USP31: variants seen among roughly 807,000 people sequenced by gnomAD.
USP31 encodes ubiquitin carboxyl-terminal hydrolase 31.
A neutral mutation model predicts 119.4 loss-of-function variants in USP31; 44 were observed. The ratio of observed to expected loss-of-function variants is 0.37; its 90% CI spans 0.29 to 0.47. USP31 has a LOEUF of 0.47. USP31 is among the 20% of genes least tolerant of loss of function. The pLI is 0.99. For synonymous variants in USP31, 749 were observed against 705.6 expected (o/e 1.06, Z -0.97); for missense variants, 1,643 against 1,730.2 (o/e 0.95, Z 0.89).
intron 11 of USP31, among the ~76,000 whole-genome samples, chr16:23,082,848 T>TTTTTTTTG (rs1641213592): frequency 6.7e-6 from 1 of 150,072 alleles, no homozygotes; most frequent in Non-Finnish European, 1.5e-5. Flanking sequence ...TTTTTTTTTT[T>TTTTTTTTG]GAAACAGAGT....
intron 1 of USP31, among the ~76,000 whole-genome samples, chr16:23,145,334 G>A (rs1903473609): frequency 6.6e-6 from 1 of 152,146 alleles, no homozygotes; most frequent in African/African-American, 2.4e-5. Context: ...AGATCCCCAG[G>A]TGAATTATGT....
At chr16:23,148,553 G>C in intron 1 of USP31, 85 bp downstream of exon 1, 1 of 1,380,484 alleles carries the variant, frequency 7.2e-7, no homozygotes, top group Non-Finnish European at 9.3e-7. Context: ...GCCGGGCCAA[G>C]AGGAACCGAG....
chr16:23,069,955 CT>C (rs771233797), intron 15 of USP31, among the ~76,000 whole-genome samples: 8 of 152,252 alleles, frequency 5.3e-5, no homozygotes, highest in Non-Finnish European at 1.0e-4. Flanking sequence ...AACTCTGTCA[CT>C]GCTGCATGAA....
chr16:23,094,471 T>A, intron 6 of USP31, among the ~76,000 whole-genome samples: 1 of 152,334 alleles, frequency 6.6e-6, no homozygotes, highest in East Asian at 1.9e-4. Context: ...AAGGTCCTTG[T>A]CTGACAGCTT....
intron 1 of USP31, among the ~76,000 whole-genome samples, chr16:23,125,570 T>C (rs1391680793): frequency 6.6e-6 from 1 of 152,250 alleles, no homozygotes; most frequent in Non-Finnish European, 1.5e-5. Context: ...CTGTCACTAT[T>C]AAAATTGTGA....
intron 1 of USP31, among the ~76,000 whole-genome samples, chr16:23,143,607 AAG>A (rs1903419302): frequency 6.6e-6 from 1 of 151,258 alleles, no homozygotes; most frequent in Non-Finnish European, 1.5e-5. Flanking sequence ...GAGAGAGAGA[AAG>A]AGAGAGCGCG....
chr16:23,146,619 C>G (rs1053882004), intron 1 of USP31, among the ~76,000 whole-genome samples: 11 of 152,022 alleles, frequency 7.2e-5, no homozygotes, highest in African/African-American at 2.7e-4. Context: ...ATTCAAATTG[C>G]CAAGATCAAA....
chr16:23,118,236 T>C lies in USP31; in HGVS notation c.634-10053A>G, dbSNP rs554702703. Among the ~76,000 whole-genome samples, 4 of 152,222 alleles carry C rather than the reference T, an allele frequency of 2.6e-5. No individual in the cohort carries two copies. The East Asian group carries it at 7.7e-4, about 29-fold the overall frequency. On this transcript the variant is annotated intron_variant, in intron 1 of 15. Transcript: ENST00000219689. ...AAGCATTTTGTAAAGTCTAAAACTC[T>C]GTACAGATGCTATTATGTTAGTTTT...
chr16:23,069,141 C>A lies in USP31; in HGVS notation c.2964G>T (p.Gln988His). The change falls in exon 16 of 16, where the codon CAG becomes CAT. Residue 988 changes from glutamine to histidine, a missense_variant. Physicochemically the swap from Gln to His is conservative, Grantham distance 24. Transcript: ENST00000219689. ...AGTCGCTCTGATCCACATAAGCGAT[C>A]TGATTATTGTTATCAAATGGACCAG... Reference protein sequence around the residue: ...PLSGPFDNNNQIAYVDQSDSV... With the variant: ...PLSGPFDNNNHIAYVDQSDSV... The A allele has an allele frequency of 1.2e-6, 2 of 1,613,934 alleles. No individual in the cohort carries two copies. The highest frequency in any genetic ancestry group is 2.7e-5 in the African/African-American group (2 of 75,054).
chr16:23,068,192 G>A lies in USP31; in HGVS notation c.3913C>T (p.Leu1305=). 1.2e-6 allele frequency: 2 copies of A among 1,614,198 alleles called. No individual in the cohort carries two copies. Among genetic ancestry groups the A allele is most frequent in the South Asian group, 2.2e-5 (2 of 91,084 alleles). ...GACTTGGATTTGCGAGCGGACAGCA[G>A]GGAATGTTTGGCAGAAGCAGGGTCC... The part of the protein sequence containing the change: ...TKDPASAKHS[L]LSARKSKSSQ... Residue 1305 remains leucine (L), a synonymous_variant, in exon 16 of 16, where the codon CTG becomes TTG. Transcript: ENST00000219689.
rs537600700 is a variant in USP31 at position 23,080,159 on chromosome 16, G to A, written c.1963C>T (p.Arg655Cys). ...TTGACCATGTTCTGAAGTTTCATGC[G>A]CCTGTCTCCTTCCTGTTGCAAGAAG... ...LKRFRQEGDR[R>C]MKLQNMVKFP... The change falls in exon 13 of 16, where the codon CGC becomes TGC. Residue 655 changes from arginine (R) to cysteine (C), a missense_variant. Arg to Cys is a radical substitution (Grantham distance 180, BLOSUM62 -3). Transcript: ENST00000219689. 7.2e-5 allele frequency: 111 copies of A among 1,548,084 alleles called. No individual in the cohort carries two copies. The highest frequency in any genetic ancestry group is 1.4e-4 in the South Asian group (11 of 79,880).
At chr16:23,075,932 T>C (rs1335597222) in intron 13 of USP31, among the ~76,000 whole-genome samples, 2 of 151,706 alleles carry the variant, frequency 1.3e-5, no homozygotes, top group Non-Finnish European at 2.9e-5. Context: ...ACAAAAAAAT[T>C]TAAAAATTAG....
chr16:23,062,126 C>T lies in USP31; in HGVS notation c.*5920G>A, dbSNP rs1473007263. On this transcript the variant is annotated 3_prime_UTR_variant, in exon 16 of 16. Transcript: ENST00000219689. Reference sequence around the variant, plus strand: ...TTGCATGTCTACTTGTATCTTCATTCCTTAAAATGTTGAAAACACCAGGTA... The same window carrying T: ...TTGCATGTCTACTTGTATCTTCATTTCTTAAAATGTTGAAAACACCAGGTA... The T allele has an allele frequency of 6.6e-6, 1 of 152,586 alleles. No homozygotes were observed. The highest frequency in any genetic ancestry group is 2.4e-5 in the African/African-American group (1 of 41,426). The allele number at this position is 152,586 out of a possible 1,614,324, so 9.5% of individuals were successfully genotyped here.
chr16:23,069,192 T>C lies in USP31; in HGVS notation c.2913A>G (p.Ala971=). The C allele has an allele frequency of 6.8e-6, 11 of 1,614,232 alleles. No individual in the cohort carries two copies. Among genetic ancestry groups the C allele is most frequent in the Non-Finnish European group, 9.3e-6 (11 of 1,180,040 alleles). Residue 971 remains alanine (A), a synonymous_variant, in exon 16 of 16, where the codon GCA becomes GCG. Transcript: ENST00000219689. Reference sequence around the variant, plus strand: ...AGAGCGGGGGCAGGCGGTCCCCTTGTGCTGAATGTTTGCTCTGTGTATCTA... The same window carrying C: ...AGAGCGGGGGCAGGCGGTCCCCTTGCGCTGAATGTTTGCTCTGTGTATCTA... ...SVVDTQSKHS[A]QGDRLPPLSG... is the part of the protein sequence containing the mutation.
At position 23,133,448 on chromosome 16, in the gene USP31, G is replaced by A. The variant is rs558327935; in HGVS notation, c.633+15190C>T. On this transcript the variant is annotated intron_variant, in intron 1 of 15. Coordinates refer to ENST00000219689, the MANE Select transcript of USP31 (RefSeq NM_020718.4). ...AGACATAATCACTGCACATGAGGGA[G>A]TTGGGGGGAGACGGCAATGGATTTA... 4.6e-5 allele frequency among the ~76,000 whole-genome samples: 7 copies of A among 152,334 alleles called. No individual in the cohort carries two copies. The East Asian group carries it at 5.8e-4, about 13-fold the overall frequency.
chr16:23,087,593 C>CT, intron 8 of USP31, 131 bp downstream of exon 8: 1 of 819,642 alleles, frequency 1.2e-6, no homozygotes, highest in Non-Finnish European at 1.9e-6. Context: ...GTGGCTAGCT[C>CT]TTTCATAAAA....
At position 23,064,663 on chromosome 16, in the gene USP31, T is replaced by C. The variant is rs556070919; in HGVS notation, c.*3383A>G. The C allele has an allele frequency of 2.6e-5, 4 of 152,338 alleles. No individual in the cohort carries two copies. Among genetic ancestry groups the C allele is most frequent in the African/African-American group, 9.6e-5 (4 of 41,578 alleles). 9.4% of individuals were successfully genotyped at this position (152,338 alleles called of 1,614,324 possible). A position where few individuals can be genotyped will look rare whatever the true frequency, so the allele number is the denominator to read the frequency against. On this transcript the variant is annotated 3_prime_UTR_variant, in exon 16 of 16. Coordinates refer to ENST00000219689, the MANE Select transcript of USP31 (RefSeq NM_020718.4). ...CAAGCCTTAGCCGATTTGACCGGAA[T>C]CCACGTGATCTCTTTTCCCAGGAGA...
At chr16:23,102,776 G>C (rs1434588937) in intron 5 of USP31, among the ~76,000 whole-genome samples, 2 of 152,058 alleles carry the variant, frequency 1.3e-5, no homozygotes, top group African/African-American at 4.8e-5. Context: ...ATTTTTTCTT[G>C]TCATTATTCC....
Position 23,068,209 on chromosome 16 carries a change from G to A in USP31, c.3896C>T (p.Ala1299Val). 6.2e-7 allele frequency: 1 copy of A among 1,614,204 alleles called. No homozygotes were observed. The highest frequency in any genetic ancestry group is 1.1e-5 in the South Asian group (1 of 91,086). The change falls in exon 16 of 16, where the codon GCT (alanine) becomes GTT (valine). Residue 1299 changes from alanine (A) to valine (V), a missense_variant. Ala to Val is a moderately conservative substitution (Grantham distance 64, BLOSUM62 0). Coordinates refer to ENST00000219689, the MANE Select transcript of USP31 (RefSeq NM_020718.4). Reference sequence around the variant, plus strand: ...GGACAGCAGGGAATGTTTGGCAGAAGCAGGGTCCTTGGTGACAAGCTGCTC... The same window carrying A: ...GGACAGCAGGGAATGTTTGGCAGAAACAGGGTCCTTGGTGACAAGCTGCTC... ...GKEQLVTKDP[A>V]SAKHSLLSAR... is the part of the protein sequence containing the mutation.
Sources: gnomAD v4.1 joint callset for allele counts (sites outside exome capture counted in the v4.1 genomes callset) on GRCh38, gnomAD v4.1.1 for gene constraint, MANE v1.5 for transcripts, NCBI Gene and HGNC (gene_info 2026-07-23, HGNC 2026-07-21) for gene names.